The following CHRNA3 variants were observed in gnomAD, a reference collection of about 807,000 sequenced individuals.
CHRNA3 encodes the protein cholinergic receptor nicotinic alpha 3 subunit, also known as neuronal acetylcholine receptor subunit alpha-3.
CHRNA3 carries 34 observed loss-of-function variants against 41.9 expected under a neutral mutation model. The ratio of observed to expected loss-of-function variants is 0.81; its 90% confidence interval spans 0.62 to 1.08. The LOEUF (loss-of-function observed/expected upper bound fraction) is 1.08. Ranked by LOEUF, CHRNA3 falls within the 50% of genes least tolerant of loss-of-function variation. The pLI, the probability that CHRNA3 is intolerant of heterozygous loss-of-function variation, is 0.00. For synonymous variants in CHRNA3, 281 were observed against 265.2 expected (o/e 1.06, Z -0.58); for missense variants, 542 against 638.3 (o/e 0.85, Z 1.63).
At chr15:78,604,583 C>T (rs1047264210) in intron 4 of CHRNA3, among the ~76,000 whole-genome samples, 1 of 152,186 alleles carries the variant, frequency 6.6e-6, no homozygotes, top group Non-Finnish European at 1.5e-5. Context: ...TGTGTGCTGC[C>T]TGGGGCAGTG....
rs1379530917 is a variant in CHRNA3 at position 78,596,133 on chromosome 15, A to AGAAC, written c.*467_*470dup. 1.2e-5 allele frequency: 12 copies of AGAAC among 985,722 alleles called. No individual in the cohort carries two copies. Among genetic ancestry groups the AGAAC allele is most frequent in the Non-Finnish European group, 1.4e-5 (12 of 830,120 alleles). The allele number at this position is 985,722 out of a possible 1,614,324, so 61.1% of individuals were successfully genotyped here. On this transcript the variant is annotated 3_prime_UTR_variant, in exon 6 of 6. Coordinates refer to ENST00000326828, the MANE Select transcript of CHRNA3 (RefSeq NM_000743.5). ...AGGCATAGCCCTTTAGACCCAGTAA[A>AGAAC]GAACGAGAAATGCATGGTAAGAAAT...
intron 4 of CHRNA3, among the ~76,000 whole-genome samples, chr15:78,609,787 T>C (rs1010271778): frequency 4.6e-5 from 7 of 151,988 alleles, no homozygotes; most frequent in African/African-American, 1.2e-4. Context: ...GACTAGCAAA[T>C]TGGATAAAGA....
intron 4 of CHRNA3, among the ~76,000 whole-genome samples, chr15:78,602,538 T>TA (rs1187480439): frequency 1.3e-5 from 2 of 152,176 alleles, no homozygotes; most frequent in Non-Finnish European, 2.9e-5. Flanking sequence ...CCCAAACTGA[T>TA]AGACTCCCAA....
chr15:78,613,951 G>A (rs74428004), intron 4 of CHRNA3, among the ~76,000 whole-genome samples: 4 of 151,626 alleles, frequency 2.6e-5, no homozygotes, highest in Non-Finnish European at 4.4e-5. Context: ...ATCTCGGGGT[G>A]GGGGGAAAAA....
At chr15:78,619,799 G>C (rs931701704) in intron 1 of CHRNA3, 1 of 152,120 alleles carries the variant, frequency 6.6e-6, no homozygotes, top group South Asian at 2.1e-4. Context: ...AGCGGGAGGA[G>C]AATCCTCTAG....
chr15:78,618,290 C>T (rs1596085368), intron 3 of CHRNA3: 1 of 311,376 alleles, frequency 3.2e-6, no homozygotes, highest in Non-Finnish European at 6.0e-6. Flanking sequence ...AAGGAGGTGT[C>T]TCAGGCACCA....
chr15:78,616,362 C>A (rs1244117810), intron 4 of CHRNA3, among the ~76,000 whole-genome samples: 3 of 129,224 alleles, frequency 2.3e-5, no homozygotes, highest in East Asian at 3.5e-4. Context: ...CCCCCCCCAC[C>A]CCCCCAAAAA....
At chr15:78,619,234 C>T (rs2053512913) in intron 1 of CHRNA3, 1 of 397,088 alleles carries the variant, frequency 2.5e-6, no homozygotes. Flanking sequence ...GTGGCTTAAC[C>T]TCTCTGAACC....
chr15:78,612,414 A>T (rs1283200233), intron 4 of CHRNA3, among the ~76,000 whole-genome samples: 1 of 138,742 alleles, frequency 7.2e-6, no homozygotes, highest in Non-Finnish European at 1.6e-5. Flanking sequence ...ATAACGCCAC[A>T]TATCTACAAC....
intron 4 of CHRNA3, among the ~76,000 whole-genome samples, 188 bp downstream of exon 4, chr15:78,616,836 C>T (rs750441511): frequency 4.6e-5 from 7 of 152,248 alleles, no homozygotes; most frequent in Non-Finnish European, 8.8e-5. Context: ...CACTGCTGCT[C>T]TCTGTGGCTC....
At chr15:78,602,343 C>CA (rs1417880576) in intron 4 of CHRNA3, 79 bp from the exon 5 acceptor site, 2 of 1,435,254 alleles carry the variant, frequency 1.4e-6, no homozygotes, top group Admixed American at 2.2e-5. Flanking sequence ...ACCAGCTTCT[C>CA]ACAGTAAGTA....
intron 4 of CHRNA3, among the ~76,000 whole-genome samples, chr15:78,607,813 T>A (rs1282694253): frequency 2.0e-5 from 3 of 152,212 alleles, no homozygotes; most frequent in Non-Finnish European, 2.9e-5. Context: ...GAGTTCCCTT[T>A]CCTAGTCAAA....
chr15:78,612,939 C>T (rs2053402856), intron 4 of CHRNA3, among the ~76,000 whole-genome samples: 7 of 151,930 alleles, frequency 4.6e-5, no homozygotes, highest in Admixed American at 4.6e-4. Context: ...CAAAAGAAGA[C>T]ATTTATGCAG....
rs541339789 is a variant in CHRNA3 at position 78,618,131 on chromosome 15, C to T, written c.267+486G>A. 1.6e-4 allele frequency among the ~76,000 whole-genome samples: 24 copies of T among 152,262 alleles called. No individual in the cohort carries two copies. In the South Asian group the frequency reaches 5.0e-3, roughly 32 times the overall value. On this transcript the variant is annotated intron_variant, in intron 3 of 5. Coordinates refer to ENST00000326828, the MANE Select transcript of CHRNA3 (RefSeq NM_000743.5). ...ACGTGGTGGTGCACAGCTGTGGTCC[C>T]AGCTACTTGGGAGGCTGAGGCAGGA...
rs2053106454 is a variant in CHRNA3, at chr15:78,596,166, G to A, written c.*438C>T. 1.9e-5 allele frequency: 19 copies of A among 981,698 alleles called. No individual in the cohort carries two copies. The highest frequency in any genetic ancestry group is 2.3e-5 in the Non-Finnish European group (19 of 826,842). The allele number at this position is 981,698 out of a possible 1,614,324, so 60.8% of individuals were successfully genotyped here. A position where few individuals can be genotyped will look rare whatever the true frequency, so the allele number is the denominator to read the frequency against. On this transcript the variant is annotated 3_prime_UTR_variant, in exon 6 of 6. Transcript: ENST00000326828. ...AAATGCATGGTAAGAAATGGGTAAC[G>A]ATGGGGGATTGCTGAATTAGTATAA...
At chr15:78,610,516 T>C (rs1356508047) in intron 4 of CHRNA3, among the ~76,000 whole-genome samples, 1 of 152,066 alleles carries the variant, frequency 6.6e-6, no homozygotes, top group Non-Finnish European at 1.5e-5. Flanking sequence ...AAAGATGTTC[T>C]TTGAAACCAA....
intron 4 of CHRNA3, among the ~76,000 whole-genome samples, chr15:78,602,606 C>T (rs889099675): frequency 6.6e-6 from 1 of 152,178 alleles, no homozygotes; most frequent in Non-Finnish European, 1.5e-5. Context: ...GGTCATCCTC[C>T]TGGAGCCAGG....
chr15:78,613,320 C>A (rs1288796373), intron 4 of CHRNA3, among the ~76,000 whole-genome samples: 1 of 151,404 alleles, frequency 6.6e-6, no homozygotes, highest in Non-Finnish European at 1.5e-5. Flanking sequence ...GCAACCAACC[C>A]AAATGTCCAA....
At chr15:78,609,308 A>C (rs2053346393) in intron 4 of CHRNA3, among the ~76,000 whole-genome samples, 1 of 152,228 alleles carries the variant, frequency 6.6e-6, no homozygotes, top group African/African-American at 2.4e-5. Flanking sequence ...GAAGGAAAAA[A>C]TGTTAAGGGC....
Sources: gnomAD v4.1 joint callset for allele counts (sites outside exome capture counted in the v4.1 genomes callset) on GRCh38, gnomAD v4.1.1 for gene constraint, MANE v1.5 for transcripts, NCBI Gene and HGNC (gene_info 2026-07-23, HGNC 2026-07-21) for gene names.